NEGR1: variants seen among roughly 807,000 people sequenced by gnomAD.
NEGR1 encodes IgLON family member 4.
NEGR1 carries 10 observed loss-of-function variants against 40.9 expected under a neutral mutation model. The observed-to-expected ratio is 0.24, with a 90% confidence interval of 0.15 to 0.42. The LOEUF (loss-of-function observed/expected upper bound fraction) is 0.42. Among genes scored for constraint, NEGR1 ranks in the 10% least tolerant of loss-of-function variants. The probability of loss-of-function intolerance (pLI) is 1.00; values close to 1 mark genes in which losing one functional copy is unlikely to be tolerated. For synonymous variants in NEGR1, 185 were observed against 166.8 expected, an observed-to-expected ratio of 1.11 and a Z score of -0.84; for missense variants, 352 against 438.9, an observed-to-expected ratio of 0.80 and a Z score of 1.77.
chr1:72,196,974 T>G (rs368164249), intron 1 of NEGR1, among the ~76,000 whole-genome samples: 1 of 151,970 alleles, frequency 6.6e-6, no homozygotes, highest in Admixed American at 6.6e-5. Flanking sequence ...TCATATAATT[T>G]TGGACAACTA....
chr1:72,129,749 T>G (rs1650171979), intron 1 of NEGR1, among the ~76,000 whole-genome samples: 1 of 152,220 alleles, frequency 6.6e-6, no homozygotes, highest in Non-Finnish European at 1.5e-5. Context: ...GACATTTCTA[T>G]GCCATTCAAA....
chr1:71,874,686 G>A (rs1438207238), intron 2 of NEGR1, among the ~76,000 whole-genome samples: 1 of 152,110 alleles, frequency 6.6e-6, no homozygotes, highest in African/African-American at 2.4e-5. Context: ...CTGATTCTTA[G>A]ATGTGTTTAG....
At chr1:71,620,263 T>C (rs554289240) in intron 4 of NEGR1, among the ~76,000 whole-genome samples, 1 of 151,976 alleles carries the variant, frequency 6.6e-6, no homozygotes, top group Admixed American at 6.6e-5. Flanking sequence ...AGAGGAAAAA[T>C]CGGTCCTACA....
At chr1:72,270,262 T>A (rs1032263515) in intron 1 of NEGR1, among the ~76,000 whole-genome samples, 2 of 151,916 alleles carry the variant, frequency 1.3e-5, no homozygotes, top group African/African-American at 2.4e-5. Flanking sequence ...TGAATCATGA[T>A]CTTGATGATG....
At chr1:71,625,951 C>T (rs1291995203) in intron 4 of NEGR1, among the ~76,000 whole-genome samples, 1 of 151,938 alleles carries the variant, frequency 6.6e-6, no homozygotes, top group African/African-American at 2.4e-5. Flanking sequence ...CTCCTCCTAT[C>T]ACATGAGCAG....
At chr1:71,475,659 T>A (rs1261244616) in intron 6 of NEGR1, among the ~76,000 whole-genome samples, 1 of 152,038 alleles carries the variant, frequency 6.6e-6, no homozygotes, top group Non-Finnish European at 1.5e-5. Context: ...GATGAGAGAT[T>A]TCACACATAT....
chr1:71,753,328 C>T (rs1244234455), intron 3 of NEGR1, among the ~76,000 whole-genome samples: 1 of 152,090 alleles, frequency 6.6e-6, no homozygotes, highest in Non-Finnish European at 1.5e-5. Flanking sequence ...ATATTAGGCA[C>T]ATACTATATG....
At chr1:71,615,825 G>A (rs868366761) in intron 4 of NEGR1, among the ~76,000 whole-genome samples, 1 of 152,210 alleles carries the variant, frequency 6.6e-6, no homozygotes, top group East Asian at 1.9e-4. Flanking sequence ...CAAAGAGGCA[G>A]GAGAGGAAAC....
intron 1 of NEGR1, among the ~76,000 whole-genome samples, chr1:72,065,598 T>C (rs896572886): frequency 1.2e-4 from 19 of 152,144 alleles, no homozygotes; most frequent in African/African-American, 4.3e-4. Flanking sequence ...GCAATGGTAA[T>C]TGGGACAAGT....
At chr1:72,145,604 G>A (rs184203285) in intron 1 of NEGR1, among the ~76,000 whole-genome samples, 3 of 152,136 alleles carry the variant, frequency 2.0e-5, no homozygotes, top group African/African-American at 7.2e-5. Flanking sequence ...TTGGACTAGG[G>A]GGTAGAGATT....
At chr1:71,537,095 T>C (rs78725171) in intron 6 of NEGR1, among the ~76,000 whole-genome samples, 5,760 of 151,800 alleles carry the variant, frequency 0.038, 139 homozygotes, top group Non-Finnish European at 0.059. Flanking sequence ...CTGAGAATTA[T>C]CTAACTCCTA....
rs1933150 is a variant in NEGR1 at position 71,886,386 on chromosome 1, G to A, written c.409+48693C>T. Among the ~76,000 whole-genome samples, 1,032 of 151,710 alleles carry A rather than the reference G, an allele frequency of 6.8e-3. 11 individuals are homozygous for A. The highest frequency in any genetic ancestry group is 0.024 in the African/African-American group (985 of 41,390). On this transcript the variant is annotated intron_variant, in intron 2 of 6. Coordinates refer to ENST00000357731, the MANE Select transcript of NEGR1 (RefSeq NM_173808.3). ...TTTAACCTAGGTATTCCATGAGAAT[G>A]GTAATAGCATATTACCCTTTGTGAC...
intron 2 of NEGR1, among the ~76,000 whole-genome samples, chr1:71,832,399 A>G (rs906005776): frequency 2.0e-5 from 3 of 151,948 alleles, no homozygotes; most frequent in African/African-American, 7.2e-5. Context: ...ATATGGGTAA[A>G]TGATGAACTC....
chr1:71,553,818 G>C (rs1648163086), intron 6 of NEGR1, among the ~76,000 whole-genome samples: 1 of 151,606 alleles, frequency 6.6e-6, no homozygotes, highest in South Asian at 2.1e-4. Context: ...TTGTCTGAGT[G>C]TGTAGATATA....
intron 1 of NEGR1, among the ~76,000 whole-genome samples, chr1:72,071,882 C>T (rs1647477435): frequency 6.6e-6 from 1 of 152,128 alleles, no homozygotes; most frequent in Non-Finnish European, 1.5e-5. Flanking sequence ...GTGTCACAAG[C>T]TTTGCTTTCT....
At chr1:71,600,442 G>GA (rs1442467662) in intron 5 of NEGR1, among the ~76,000 whole-genome samples, 4 of 152,134 alleles carry the variant, frequency 2.6e-5, no homozygotes, top group African/African-American at 9.7e-5. Flanking sequence ...CTCCCAGGTA[G>GA]AAAAAATCTC....
chr1:71,749,438 A>C (rs1655496001), intron 3 of NEGR1, among the ~76,000 whole-genome samples: 1 of 152,234 alleles, frequency 6.6e-6, no homozygotes, highest in Admixed American at 6.5e-5. Context: ...GTGTTATTAC[A>C]AGAATATGTA....
intron 1 of NEGR1, among the ~76,000 whole-genome samples, chr1:71,943,225 TG>T (rs901409744): frequency 6.7e-6 from 1 of 148,402 alleles, no homozygotes; most frequent in Non-Finnish European, 1.5e-5. Flanking sequence ...GTTTGTTTTA[TG>T]TATATACTCA....
At chr1:71,642,049 C>T (rs1199380564) in intron 4 of NEGR1, among the ~76,000 whole-genome samples, 1 of 151,912 alleles carries the variant, frequency 6.6e-6, no homozygotes, top group African/African-American at 2.4e-5. Context: ...GTCATCATCT[C>T]ATATTTTGGC....
Sources: gnomAD v4.1 joint callset for allele counts (sites outside exome capture counted in the v4.1 genomes callset) on GRCh38, gnomAD v4.1.1 for gene constraint, MANE v1.5 for transcripts, NCBI Gene and HGNC (gene_info 2026-07-23, HGNC 2026-07-21) for gene names.